Variants in RALY observed in about 807,000 individuals in gnomAD.
RALY encodes RNA-binding protein Raly.
Under a neutral mutation model 30.7 loss-of-function variants are expected in RALY, and 15 were observed. The observed-to-expected ratio is 0.49, with a 90% confidence interval of 0.33 to 0.75. The LOEUF (loss-of-function observed/expected upper bound fraction) is 0.75. RALY is among the 30% of genes least tolerant of loss of function. The pLI is 0.02. For missense variants in RALY, 339 were observed against 414.3 expected, an observed-to-expected ratio of 0.82 and a Z score of 1.58; for synonymous variants, 177 against 170.8, an observed-to-expected ratio of 1.04 and a Z score of -0.28.
intron 2 of RALY, among the ~76,000 whole-genome samples, chr20:34,046,704 G>A (rs1601465786): frequency 6.6e-6 from 1 of 151,116 alleles, no homozygotes; most frequent in Admixed American, 6.6e-5. Context: ...TGTTATTCTT[G>A]TTGTGTGTAG....
At chr20:34,000,794 A>G (rs141417793) in intron 1 of RALY, among the ~76,000 whole-genome samples, 36 of 152,286 alleles carry the variant, frequency 2.4e-4, no homozygotes, top group African/African-American at 8.4e-4. Context: ...CAACACACCA[A>G]TGAGTTTGAC....
At chr20:33,995,338 T>G (rs1334428280) in intron 1 of RALY, among the ~76,000 whole-genome samples, 3 of 152,064 alleles carry the variant, frequency 2.0e-5, no homozygotes, top group Non-Finnish European at 4.4e-5. Flanking sequence ...CACCCTTTAG[T>G]TTGTGTGTGG....
At chr20:34,044,744 C>G (rs1031871066) in intron 2 of RALY, among the ~76,000 whole-genome samples, 1 of 152,180 alleles carries the variant, frequency 6.6e-6, no homozygotes. Flanking sequence ...GAGATGTTCC[C>G]CAGTTCCACA....
intron 1 of RALY, among the ~76,000 whole-genome samples, chr20:34,007,820 C>CA (rs10649045): frequency 0.11 from 10,670 of 101,502 alleles, 691 homozygotes; most frequent in Middle Eastern, 0.22. Context: ...AACTCCGTCT[C>CA]AAAAAAAAAA....
chr20:34,078,436 A>G (rs1425296709), intron 8 of RALY, 69 bp from the exon 9 acceptor site: 5 of 1,402,414 alleles, frequency 3.6e-6, no homozygotes, highest in Admixed American at 2.6e-5. Context: ...TTTCTGGACA[A>G]ATGGCTCAGG....
At chr20:34,002,690 A>T (rs1479105671) in intron 1 of RALY, among the ~76,000 whole-genome samples, 1 of 152,182 alleles carries the variant, frequency 6.6e-6, no homozygotes, top group East Asian at 1.9e-4. Context: ...GGTGTCCAAC[A>T]CCCAGTGTGT....
intron 1 of RALY, among the ~76,000 whole-genome samples, chr20:33,994,936 A>C (rs1308100176): frequency 6.6e-6 from 1 of 152,144 alleles, no homozygotes; most frequent in Non-Finnish European, 1.5e-5. Flanking sequence ...AGCAGAAATT[A>C]AGGCGCAGAG....
chr20:34,073,489 C>T lies in RALY; in HGVS notation c.257-74C>T, dbSNP rs111701620. On this transcript the variant is annotated intron_variant, in intron 3 of 9. Transcript: ENST00000246194. ...CCGTGTAAGCACATGAATTGCTGTG[C>T]GTGTGCATGAGGTTGATGTGTGTGG... The T allele has an allele frequency of 7.4e-5, 100 of 1,354,388 alleles. 1 individual carries two copies. The African/African-American group carries it at 8.2e-4, about 11-fold the overall frequency. The allele number at this position is 1,354,388 out of a possible 1,614,324, so 83.9% of individuals were successfully genotyped here.
chr20:34,038,505 ATC>A (rs763291116), intron 2 of RALY, among the ~76,000 whole-genome samples: 13 of 152,182 alleles, frequency 8.5e-5, no homozygotes, highest in Non-Finnish European at 8.8e-5. Flanking sequence ...CTTTGGAATT[ATC>A]TGTCATTGTA....
intron 1 of RALY, among the ~76,000 whole-genome samples, chr20:34,015,690 T>A (rs1025991970): frequency 1.3e-5 from 2 of 152,168 alleles, no homozygotes; most frequent in African/African-American, 4.8e-5. Context: ...CAGATAGGTT[T>A]GCCCTTGAGT....
chr20:34,074,475 C>T (rs1007762213), intron 5 of RALY, among the ~76,000 whole-genome samples: 1 of 152,260 alleles, frequency 6.6e-6, no homozygotes, highest in African/African-American at 2.4e-5. Context: ...TGCTTCTCTC[C>T]CTCTGTCCAG....
chr20:34,012,398 G>C (rs919514353), intron 1 of RALY, among the ~76,000 whole-genome samples: 1 of 152,154 alleles, frequency 6.6e-6, no homozygotes, highest in African/African-American at 2.4e-5. Context: ...GCAAAAAGAA[G>C]CCTCAGGGCC....
intron 2 of RALY, among the ~76,000 whole-genome samples, chr20:34,032,932 G>A (rs1438323161): frequency 1.3e-5 from 2 of 152,228 alleles, no homozygotes; most frequent in South Asian, 2.1e-4. Context: ...GGAGTTAGGG[G>A]TCCCTCTGAG....
Position 34,077,072 on chromosome 20 carries a change from G to T in RALY, c.703G>T (p.Gly235Cys), listed in dbSNP as rs199964145. 1.2e-6 allele frequency: 2 copies of T among 1,601,720 alleles called. No homozygotes were observed. Among genetic ancestry groups the T allele is most frequent in the East Asian group, 4.8e-5 (2 of 41,800 alleles). Residue 235 changes from glycine to cysteine, a missense_variant, in exon 8 of 10, where the codon GGT becomes TGT. Gly to Cys is a radical substitution (Grantham distance 159). Coordinates refer to ENST00000246194, the MANE Select transcript of RALY (RefSeq NM_016732.3). ...GDGGGAGGGG[G>C]GGGSGGGGSG... ...TGGAGGTGGCGCCGGCGGCGGCGGC[G>T]GTGGTGGTGGCAGCGGTGGCGGTGG...
chr20:34,072,170 G>A lies in RALY; in HGVS notation c.96G>A (p.Leu32=). The change falls in exon 3 of 10, where the codon CTG becomes CTA. Residue 32 remains leucine (L), a synonymous_variant. Transcript: ENST00000246194. ...RVFIGNLNTA[L]VKKSDVETIF... ...TCATTGGAAACCTCAACACAGCTCT[G>A]GTGAAGAAATCAGATGTGGAGACCA... The A allele has an allele frequency of 6.2e-7, 1 of 1,614,234 alleles. No individual in the cohort carries two copies. The highest frequency in any genetic ancestry group is 8.5e-7 in the Non-Finnish European group (1 of 1,180,046).
chr20:34,061,029 T>C (rs2033400664), intron 2 of RALY, among the ~76,000 whole-genome samples: 1 of 152,210 alleles, frequency 6.6e-6, no homozygotes, highest in African/African-American at 2.4e-5. Context: ...GAAGACTGGT[T>C]TGTAAACAGC....
chr20:34,056,057 G>T (rs572801028), intron 2 of RALY, among the ~76,000 whole-genome samples: 17 of 152,144 alleles, frequency 1.1e-4, no homozygotes, highest in Non-Finnish European at 2.4e-4. Context: ...ACTGGGCTGC[G>T]TACAACATCA....
chr20:34,078,040 A>G (rs1046271035), intron 8 of RALY, among the ~76,000 whole-genome samples: 2 of 152,202 alleles, frequency 1.3e-5, no homozygotes, highest in Non-Finnish European at 2.9e-5. Context: ...GCTGGGTTCT[A>G]TCGTGAGAAC....
intron 1 of RALY, among the ~76,000 whole-genome samples, chr20:34,021,564 A>G (rs1218908166): frequency 6.6e-6 from 1 of 152,112 alleles, no homozygotes; most frequent in Non-Finnish European, 1.5e-5. Context: ...CTCATGCACT[A>G]ATGTTGCCTC....
Sources: gnomAD v4.1 joint callset for allele counts (sites outside exome capture counted in the v4.1 genomes callset) on GRCh38, gnomAD v4.1.1 for gene constraint, MANE v1.5 for transcripts, NCBI Gene and HGNC (gene_info 2026-07-23, HGNC 2026-07-21) for gene names.